TRIO: variants seen among roughly 807,000 people sequenced by gnomAD.
TRIO encodes triple functional domain protein.
A neutral mutation model predicts 351.9 loss-of-function variants in TRIO; 58 were observed. The ratio of observed to expected loss-of-function variants is 0.16; its 90% CI spans 0.13 to 0.21. The LOEUF (loss-of-function observed/expected upper bound fraction) is 0.21, where lower values mean the gene tolerates loss of function less well. TRIO is among the 10% of genes least tolerant of loss of function. TRIO has a pLI of 1.00. For missense variants in TRIO, 3,201 were observed against 4,027.8 expected (o/e 0.79, Z 5.56); for synonymous variants, 1,758 against 1,595.7 (o/e 1.10, Z -2.42).
chr5:14,188,958 T>C (rs1033556343), intron 1 of TRIO, among the ~76,000 whole-genome samples: 2 of 152,224 alleles, frequency 1.3e-5, no homozygotes, highest in Non-Finnish European at 2.9e-5. Context: ...AGTTGAGCTT[T>C]GGTTCATTGT....
chr5:14,303,225 G>A (rs1280485043), intron 7 of TRIO, among the ~76,000 whole-genome samples: 1 of 133,136 alleles, frequency 7.5e-6, no homozygotes, highest in Admixed American at 7.5e-5. Context: ...CAGTGGAGGA[G>A]ATTGAGCCGG....
Position 14,497,774 on chromosome 5 carries a change from A to G in TRIO, c.8020-73A>G. On this transcript the variant is annotated intron_variant, in intron 50 of 56. Coordinates refer to ENST00000344204, the MANE Select transcript of TRIO (RefSeq NM_007118.4). The surrounding 1 kb of genome is among the most constrained non-coding windows in gnomAD (Gnocchi z 4.4). ...CTGCAAATCTTTCAACAATAATTGT[A>G]GCCCTGGAATGAAAGGAATACACCT... 2 of 1,582,770 alleles carry G rather than the reference A, an allele frequency of 1.3e-6. No individual in the cohort carries two copies. Among genetic ancestry groups the G allele is most frequent in the Non-Finnish European group, 1.7e-6 (2 of 1,152,142 alleles).
chr5:14,304,356 T>C, intron 7 of TRIO, 105 bp from the exon 8 acceptor site: 2 of 1,197,390 alleles, frequency 1.7e-6, no homozygotes, highest in South Asian at 3.0e-5. Flanking sequence ...GTTAAATTCT[T>C]AGGATCTCCC....
At position 14,508,385 on chromosome 5, in the gene TRIO, A is replaced by G. The variant is rs1214523593; in HGVS notation, c.9257A>G (p.Lys3086Arg). ...GATGTTCGACCTATCCGTAGCATTA[A>G]AAACTTTCTGCAGAGCAGGCTTCTG... ...QNDVRPIRSI[K>R]NFLQSRLLPR... is the part of the protein sequence containing the mutation. The change falls in exon 57 of 57, where the codon AAA becomes AGA. Residue 3086 changes from lysine (K) to arginine (R), a missense_variant. Lys to Arg is a conservative substitution (Grantham distance 26). This residue lies in a region of TRIO where 233 missense variants were observed against 292.6 expected (regional missense o/e 0.80). Transcript: ENST00000344204. The G allele has an allele frequency of 5.0e-6, 8 of 1,612,958 alleles. No individual in the cohort carries two copies. The highest frequency in any genetic ancestry group is 6.8e-6 in the Non-Finnish European group (8 of 1,179,346).
chr5:14,200,636 T>G (rs145559395), intron 1 of TRIO, among the ~76,000 whole-genome samples: 1 of 152,276 alleles, frequency 6.6e-6, no homozygotes, highest in Non-Finnish European at 1.5e-5. Flanking sequence ...AAGTAGAGAT[T>G]AAAGGACCTA....
chr5:14,366,929 G>C lies in TRIO; in HGVS notation c.2824G>C (p.Glu942Gln). 1 of 1,614,186 alleles carries C rather than the reference G, an allele frequency of 6.2e-7. No individual in the cohort carries two copies. The change falls in exon 16 of 57, where the codon GAG becomes CAG. Residue 942 changes from glutamate to glutamine, a missense_variant. Physicochemically the swap from Glu to Gln is conservative, Grantham distance 29. Coordinates refer to ENST00000344204, the MANE Select transcript of TRIO (RefSeq NM_007118.4). ...AGLITASSLQ[E>Q]AEQLQREHEQ... ...ACTTATCACAGCCAGCTCGTTACAAGAGGCAGAGCAGCTCCAGCGAGAGCA... is the reference window on the plus strand; with the variant it reads ...ACTTATCACAGCCAGCTCGTTACAACAGGCAGAGCAGCTCCAGCGAGAGCA...
intron 34 of TRIO, among the ~76,000 whole-genome samples, chr5:14,424,939 A>G (rs1461206844): frequency 6.6e-6 from 1 of 152,146 alleles, no homozygotes; most frequent in African/African-American, 2.4e-5. Flanking sequence ...CTGTCTTAGC[A>G]ACTTTTTCAA....
chr5:14,154,782 C>T (rs1484096825), intron 1 of TRIO, among the ~76,000 whole-genome samples: 6 of 152,208 alleles, frequency 3.9e-5, no homozygotes, highest in Non-Finnish European at 8.8e-5. Flanking sequence ...ATGCTGGTCT[C>T]TTGAAGGCAG....
At chr5:14,180,852 A>G (rs555654355) in intron 1 of TRIO, among the ~76,000 whole-genome samples, 12 of 152,248 alleles carry the variant, frequency 7.9e-5, no homozygotes, top group African/African-American at 2.4e-4. Context: ...CCCCACAAAA[A>G]AAAAAAAGAA....
intron 23 of TRIO, 83 bp downstream of exon 23, chr5:14,387,930 C>T: frequency 1.4e-6 from 2 of 1,446,292 alleles, no homozygotes; most frequent in Non-Finnish European, 1.9e-6. Context: ...TCTGTGTGTG[C>T]TTTGAAGTCA....
Position 14,377,677 on chromosome 5 carries a change from T to C in TRIO, c.3332-335T>C, listed in dbSNP as rs185807884. 5.7e-3 allele frequency among the ~76,000 whole-genome samples: 872 copies of C among 152,338 alleles called. 13 individuals carry two copies. Among genetic ancestry groups the C allele is most frequent in the African/African-American group, 0.02 (821 of 41,576 alleles). ...TCTTGAAAAAAATGCTGATTTTTTT[T>C]CAGCCATTGTCGAATTGCATATTAT... is the stretch of plus-strand genomic sequence containing the variant. On this transcript the variant is annotated intron_variant, in intron 19 of 56. Coordinates refer to ENST00000344204, the MANE Select transcript of TRIO (RefSeq NM_007118.4).
intron 34 of TRIO, among the ~76,000 whole-genome samples, chr5:14,441,782 CAT>C (rs757853893): frequency 1.2e-4 from 18 of 152,160 alleles, no homozygotes; most frequent in Non-Finnish European, 2.5e-4. Context: ...CATGTCCTAA[CAT>C]ATTTAGACTC....
At chr5:14,333,675 T>C (rs1741119646) in intron 10 of TRIO, among the ~76,000 whole-genome samples, 1 of 152,208 alleles carries the variant, frequency 6.6e-6, no homozygotes, top group Non-Finnish European at 1.5e-5. Context: ...CCTGGTCATC[T>C]TTAGTGAGAA....
chr5:14,194,156 C>T (rs1008629993), intron 1 of TRIO, among the ~76,000 whole-genome samples: 6 of 152,132 alleles, frequency 3.9e-5, no homozygotes, highest in African/African-American at 1.4e-4. Context: ...ACCTGTCTAC[C>T]TATAGAAGTT....
At chr5:14,301,636 A>G (rs1737892390) in intron 7 of TRIO, among the ~76,000 whole-genome samples, 1 of 152,104 alleles carries the variant, frequency 6.6e-6, no homozygotes, top group South Asian at 2.1e-4. Flanking sequence ...GTATGATATC[A>G]TTGTCATATT....
In TRIO at chr5:14,236,920, G is replaced by GT. The variant is rs1176386082; in HGVS notation, c.158-33900dup. ...AGTGGCTTTGCCTATGAAACAACCT[G>GT]TTTTTATAACCTGAGAGAGGTATCC... is the stretch of plus-strand genomic sequence containing the variant. On this transcript the variant is annotated intron_variant, in intron 1 of 56. Coordinates refer to ENST00000344204, the MANE Select transcript of TRIO (RefSeq NM_007118.4). 2.6e-5 allele frequency among the ~76,000 whole-genome samples: 4 copies of GT among 152,238 alleles called. No homozygotes were observed. In the East Asian group the frequency reaches 7.7e-4, roughly 29 times the overall value.
rs1211169947 is a variant in TRIO at position 14,207,335 on chromosome 5, C to T, written c.157+63453C>T. 1.6e-4 allele frequency among the ~76,000 whole-genome samples: 11 copies of T among 69,458 alleles called. 4 individuals carry two copies. The highest frequency in any genetic ancestry group is 2.0e-4 in the Non-Finnish European group (7 of 35,674). 45.6% of individuals were successfully genotyped at this position (69,458 alleles called of 152,430 possible). ...ACTGTCTCTCACACACACACACACA[C>T]ACACACACACACACACACACACACA... On this transcript the variant is annotated intron_variant, in intron 1 of 56. Transcript: ENST00000344204.
At chr5:14,440,886 G>A (rs1751975753) in intron 34 of TRIO, 1 of 152,214 alleles carries the variant, frequency 6.6e-6, no homozygotes. Flanking sequence ...TGCAGGCGGG[G>A]AGAGACATCT....
intron 21 of TRIO, among the ~76,000 whole-genome samples, chr5:14,382,044 G>A (rs1162748609): frequency 6.6e-6 from 1 of 152,180 alleles, no homozygotes; most frequent in African/African-American, 2.4e-5. Context: ...CAGAGTCTGA[G>A]TATACGTCCT....
Sources: gnomAD v4.1 joint callset for allele counts (sites outside exome capture counted in the v4.1 genomes callset) on GRCh38, gnomAD v4.1.1 for gene constraint, gnomAD v4.1.1 regional missense constraint, Gnocchi (gnomAD v3.1) non-coding constraint, MANE v1.5 for transcripts, NCBI Gene and HGNC (gene_info 2026-07-23, HGNC 2026-07-21) for gene names.